The following DMD variants were observed in gnomAD, a reference collection of about 807,000 sequenced individuals.
The protein encoded by DMD is dystrophin.
DMD carries 63 observed loss-of-function variants against 330.1 expected under a neutral mutation model. That is an observed-to-expected ratio of 0.19 (90% confidence interval 0.16 to 0.24). The LOEUF is 0.24. Ranked by LOEUF, DMD falls within the 10% of genes least tolerant of loss-of-function variation. The pLI is 1.00. For synonymous variants in DMD, 1,223 were observed against 959.8 expected (o/e 1.27, Z -5.07); for missense variants, 3,344 against 2,684.1 (o/e 1.25, Z -5.43).
chrX:33,316,991 TC>T (rs1329868827), intron 1 of DMD, among the ~76,000 whole-genome samples: 2 of 111,377 alleles, frequency 1.8e-5, no homozygotes, highest in Non-Finnish European at 3.8e-5. Context: ...GCTATTTTTT[TC>T]TTTTTTCTTT....
At position 32,262,909 on chromosome X, in the gene DMD, T is replaced by G. The variant is rs1049701959; in HGVS notation, c.6290+24620A>C. Among the ~76,000 whole-genome samples the G allele has an allele frequency of 2.7e-5, 3 of 111,761 alleles. No homozygotes were observed. The Admixed American group carries it at 2.9e-4, about 11-fold the overall frequency. On this transcript the variant is annotated intron_variant, in intron 43 of 78. Coordinates refer to ENST00000357033, the MANE Select transcript of DMD (RefSeq NM_004006.3). ...CATCCCAACCCCACATGGGACCAGATAAGATCTTCCATTTCACTGCATCAT... is the reference window on the plus strand; with the variant it reads ...CATCCCAACCCCACATGGGACCAGAGAAGATCTTCCATTTCACTGCATCAT...
intron 9 of DMD, among the ~76,000 whole-genome samples, chrX:32,678,473 C>A (rs1223410164): frequency 9.1e-6 from 1 of 110,419 alleles, no homozygotes; most frequent in Non-Finnish European, 1.9e-5. Context: ...AAAAGTCAGA[C>A]TGATTAGCAA....
chrX:33,103,273 C>G (rs1044895486), intron 1 of DMD, among the ~76,000 whole-genome samples: 7 of 111,406 alleles, frequency 6.3e-5, no homozygotes, highest in African/African-American at 2.0e-4. Flanking sequence ...CCATAACTGA[C>G]CTGTCAGGCC....
At chrX:32,529,714 T>A (rs954372166) in intron 17 of DMD, among the ~76,000 whole-genome samples, 1 of 111,053 alleles carries the variant, frequency 9.0e-6, no homozygotes, top group Non-Finnish European at 1.9e-5. Context: ...ATATTCCAAT[T>A]ACATTAGTCT....
At chrX:31,220,951 A>G (rs1181572255) in intron 64 of DMD, among the ~76,000 whole-genome samples, 1 of 44,676 alleles carries the variant, frequency 2.2e-5, no homozygotes, top group African/African-American at 9.5e-5. Context: ...GCGTTAGTGT[A>G]TTTTATGTGG....
intron 2 of DMD, among the ~76,000 whole-genome samples, chrX:33,009,978 A>ATG (rs2093632757): frequency 1.7e-5 from 1 of 57,598 alleles, no homozygotes; most frequent in Non-Finnish European, 3.2e-5. Flanking sequence ...ATGTGTGTAT[A>ATG]CACATGTGTG....
intron 1 of DMD, among the ~76,000 whole-genome samples, chrX:33,169,012 C>G (rs1252511737): frequency 9.5e-6 from 1 of 105,017 alleles, no homozygotes; most frequent in Admixed American, 1.0e-4. Flanking sequence ...TTTTTTGCCT[C>G]TATTGATTCT....
chrX:31,905,179 T>A (rs1021207296), intron 47 of DMD, among the ~76,000 whole-genome samples: 1 of 112,006 alleles, frequency 8.9e-6, no homozygotes, highest in African/African-American at 3.2e-5. Context: ...GTGATAAAGA[T>A]GAATAATATT....
In DMD at chrX:31,496,826, C is replaced by T. The variant is rs965718917; in HGVS notation, c.8509G>A (p.Asp2837Asn). The change falls in exon 57 of 79, where the codon GAC (aspartate) becomes AAC (asparagine). Residue 2837 changes from aspartate to asparagine, a missense_variant. Transcript: ENST00000357033. The part of the protein sequence containing the change: ...ELSRQAPIGG[D>N]FPAVQKQNDV... ...TTCTGCTTCTGAACTGCTGGAAAGTCGCCTCCAATAGGTGCCTGCCGGCTT... is the reference window on the plus strand; with the variant it reads ...TTCTGCTTCTGAACTGCTGGAAAGTTGCCTCCAATAGGTGCCTGCCGGCTT... The T allele has an allele frequency of 2.1e-5, 25 of 1,210,826 alleles. No homozygotes were observed. The highest frequency in any genetic ancestry group is 1.8e-4 in the East Asian group (6 of 33,784).
intron 68 of DMD, among the ~76,000 whole-genome samples, chrX:31,182,275 A>G (rs1470948085): frequency 8.9e-6 from 1 of 112,339 alleles, no homozygotes; most frequent in Non-Finnish European, 1.9e-5. Context: ...AGAAAAAAAA[A>G]TGGTGCAAAG....
At chrX:33,185,636 T>C (rs990310311) in intron 1 of DMD, among the ~76,000 whole-genome samples, 1 of 111,473 alleles carries the variant, frequency 9.0e-6, no homozygotes, top group East Asian at 2.8e-4. Flanking sequence ...AAACTTTTAT[T>C]ATCTACCCAC....
intron 12 of DMD, among the ~76,000 whole-genome samples, chrX:32,597,521 C>G (rs1005333556): frequency 4.5e-5 from 5 of 111,743 alleles, no homozygotes; most frequent in African/African-American, 1.6e-4. Context: ...ATCACAATTA[C>G]ACTAACCTCA....
chrX:32,944,584 C>G (rs1242542998), intron 2 of DMD, among the ~76,000 whole-genome samples: 3 of 106,802 alleles, frequency 2.8e-5, no homozygotes, highest in Non-Finnish European at 5.8e-5. Flanking sequence ...TTTCACTAAT[C>G]TGTTTGTATA....
chrX:31,669,481 T>A (rs2081621248), intron 53 of DMD, among the ~76,000 whole-genome samples: 1 of 112,038 alleles, frequency 8.9e-6, no homozygotes, highest in Admixed American at 9.5e-5. Flanking sequence ...ACATTTAAGC[T>A]AATTTTTGTG....
intron 44 of DMD, among the ~76,000 whole-genome samples, chrX:32,066,173 C>T (rs912366788): frequency 9.0e-6 from 1 of 111,435 alleles, no homozygotes; most frequent in Non-Finnish European, 1.9e-5. Context: ...GAACCTGGGG[C>T]AAAACCTCTG....
At chrX:32,838,775 A>G (rs2079885799) in intron 4 of DMD, among the ~76,000 whole-genome samples, 1 of 112,266 alleles carries the variant, frequency 8.9e-6, no homozygotes. Context: ...AAAGTCAGCA[A>G]AAGATGCTGG....
chrX:31,147,767 A>G (rs181884743), intron 74 of DMD, among the ~76,000 whole-genome samples: 16 of 109,962 alleles, frequency 1.5e-4, no homozygotes, highest in African/African-American at 5.0e-4. Context: ...ATGCTTTTCA[A>G]TTTTTTATGT....
chrX:33,116,564 A>G (rs181522279), intron 1 of DMD, among the ~76,000 whole-genome samples: 1 of 111,794 alleles, frequency 8.9e-6, no homozygotes, highest in East Asian at 2.8e-4. Flanking sequence ...CAGGAAATCT[A>G]TAAAAAAGTT....
chrX:32,507,536 A>T (rs2044749897), intron 18 of DMD, among the ~76,000 whole-genome samples: 1 of 111,808 alleles, frequency 8.9e-6, no homozygotes, highest in Non-Finnish European at 1.9e-5. Context: ...GACCTTTAAT[A>T]TCTTGTTAAC....
Sources: gnomAD v4.1 joint callset for allele counts (sites outside exome capture counted in the v4.1 genomes callset) on GRCh38, gnomAD v4.1.1 for gene constraint, MANE v1.5 for transcripts, NCBI Gene and HGNC (gene_info 2026-07-23, HGNC 2026-07-21) for gene names.